TTC3: variants seen among roughly 807,000 people sequenced by gnomAD.
TTC3 encodes the protein tetratricopeptide repeat domain 3.
A neutral mutation model predicts 249.6 loss-of-function variants in TTC3; 180 were observed. The ratio of observed to expected loss-of-function variants is 0.72; its 90% CI spans 0.64 to 0.82. The LOEUF (loss-of-function observed/expected upper bound fraction) is 0.82, where lower values mean the gene tolerates loss of function less well. Among genes scored for constraint, TTC3 ranks in the 40% least tolerant of loss-of-function variants. TTC3 has a pLI of 0.00. For missense variants in TTC3, 2,061 were observed against 2,398.4 expected, an observed-to-expected ratio of 0.86 and a Z score of 2.94; for synonymous variants, 717 against 805.0, an observed-to-expected ratio of 0.89 and a Z score of 1.85.
chr21:37,170,701 A>G (rs1243223107), intron 34 of TTC3, among the ~76,000 whole-genome samples: 3 of 152,236 alleles, frequency 2.0e-5, no homozygotes, highest in East Asian at 3.8e-4. Context: ...GAAGAAGGTC[A>G]GAGCTTGTGT....
chr21:37,202,412 G>A (rs1258420444), exon 46 of TTC3: 2 of 152,266 alleles, frequency 1.3e-5, no homozygotes, highest in African/African-American at 2.4e-5. Flanking sequence ...GAGTCAGTCA[G>A]CGAGTGCTTG....
At chr21:37,114,948 C>T (rs1375304352) in intron 11 of TTC3, among the ~76,000 whole-genome samples, 3 of 151,984 alleles carry the variant, frequency 2.0e-5, no homozygotes, top group Middle Eastern at 3.4e-3. Context: ...AACCAAACAC[C>T]GCATGTTCTC....
intron 38 of TTC3, 134 bp from the exon 39 acceptor site, chr21:37,188,361 C>A: frequency 1.6e-6 from 1 of 613,776 alleles, no homozygotes; most frequent in Non-Finnish European, 2.8e-6. Flanking sequence ...ATGATACAAT[C>A]AAGTTCTGAT....
intron 41 of TTC3, among the ~76,000 whole-genome samples, chr21:37,195,230 C>T (rs887072690): frequency 3.3e-5 from 5 of 152,088 alleles, no homozygotes; most frequent in African/African-American, 9.7e-5. Flanking sequence ...GCACTGCAGG[C>T]GTGGACGGAG....
At chr21:37,073,436 G>A in intron 1 of TTC3, 1 of 986,754 alleles carries the variant, frequency 1.0e-6, no homozygotes. Flanking sequence ...GAGATGCCGG[G>A]GGAGCGGGGC....
intron 10 of TTC3, chr21:37,100,922 A>G (rs1324995000): frequency 1.3e-5 from 2 of 152,264 alleles, no homozygotes; most frequent in African/African-American, 4.8e-5. Flanking sequence ...GAATCTGGAC[A>G]AAGGAATCAG....
At chr21:37,124,837 C>A in intron 14 of TTC3, 95 bp downstream of exon 14, 71 of 1,237,114 alleles carry the variant, frequency 5.7e-5, no homozygotes, top group East Asian at 1.4e-4. Context: ...AAATTTTTGG[C>A]GATTTGAACC....
At chr21:37,104,519 G>A (rs531424850) in intron 10 of TTC3, among the ~76,000 whole-genome samples, 16 of 151,616 alleles carry the variant, frequency 1.1e-4, no homozygotes, top group Middle Eastern at 3.4e-3. Flanking sequence ...GAACGTGGGA[G>A]GCGGAGGTTG....
At chr21:37,154,118 G>A (rs2079757793) in intron 27 of TTC3, among the ~76,000 whole-genome samples, 1 of 152,184 alleles carries the variant, frequency 6.6e-6, no homozygotes, top group African/African-American at 2.4e-5. Context: ...CACCTACCAG[G>A]GCACTATTTA....
At chr21:37,152,798 G>A (rs2079606786) in intron 26 of TTC3, among the ~76,000 whole-genome samples, 153 bp from the exon 27 acceptor site, 1 of 152,112 alleles carries the variant, frequency 6.6e-6, no homozygotes, top group Non-Finnish European at 1.5e-5. Context: ...GTATTGTTAA[G>A]TGTTTATATT....
At chr21:37,149,774 A>C (rs2079286707) in intron 23 of TTC3, among the ~76,000 whole-genome samples, 1 of 152,194 alleles carries the variant, frequency 6.6e-6, no homozygotes, top group African/African-American at 2.4e-5. Context: ...GTCAGAGGAA[A>C]AAGAACAATG....
chr21:37,108,738 T>G (rs893639821), intron 11 of TTC3, among the ~76,000 whole-genome samples: 4 of 152,080 alleles, frequency 2.6e-5, no homozygotes, highest in African/African-American at 9.7e-5. Context: ...GAAAAATGAC[T>G]TAAAACTGGG....
At chr21:37,128,897 C>G in intron 15 of TTC3, 106 bp from the exon 16 acceptor site, 1 of 799,350 alleles carries the variant, frequency 1.3e-6, no homozygotes, top group Non-Finnish European at 1.9e-6. Flanking sequence ...TACCACATTT[C>G]TGCTTCTGTT....
chr21:37,094,098 T>A lies in TTC3; in HGVS notation c.687+8T>A. 1 of 1,510,252 alleles carries A rather than the reference T, an allele frequency of 6.6e-7. No homozygotes were observed. Among genetic ancestry groups the A allele is most frequent in the Non-Finnish European group, 9.0e-7 (1 of 1,111,596 alleles). 93.6% of individuals were successfully genotyped at this position (1,510,252 alleles called of 1,614,324 possible). On this transcript the variant is annotated splice_region_variant and intron_variant, in intron 8 of 45. Coordinates refer to ENST00000355666, the Ensembl canonical transcript of TTC3. ...TGTATGGATTGTATAGAGGTGAGAA[T>A]GAATATTATAAATATATTTTAAGAT...
intron 10 of TTC3, among the ~76,000 whole-genome samples, chr21:37,105,494 A>T (rs548777383): frequency 6.6e-6 from 1 of 152,326 alleles, no homozygotes; most frequent in South Asian, 2.1e-4. Context: ...CAGAAGAAGG[A>T]CAACTTTGTC....
chr21:37,092,944 A>G (rs757868846), intron 7 of TTC3, among the ~76,000 whole-genome samples: 1 of 152,168 alleles, frequency 6.6e-6, no homozygotes, highest in Non-Finnish European at 1.5e-5. Flanking sequence ...ATAACTTCTC[A>G]TTGTAACATT....
At chr21:37,198,117 C>T (rs1393768787) in intron 44 of TTC3, 92 bp downstream of exon 44, 9 of 1,401,776 alleles carry the variant, frequency 6.4e-6, no homozygotes, top group South Asian at 1.6e-5. Context: ...ATTTCTAGAC[C>T]TAATTTATTT....
intron 10 of TTC3, among the ~76,000 whole-genome samples, chr21:37,107,190 ATGAATG>A (rs1204845414): frequency 6.6e-6 from 1 of 151,992 alleles, no homozygotes; most frequent in Non-Finnish European, 1.5e-5. Flanking sequence ...TAGCATAAAT[ATGAATG>A]TGAAATGATG....
chr21:37,152,810 CTAAT>C (rs2079608427), intron 26 of TTC3, 137 bp from the exon 27 acceptor site: 1 of 673,096 alleles, frequency 1.5e-6, no homozygotes, highest in African/African-American at 1.9e-5. Context: ...GTTTATATTT[CTAAT>C]TAAAGTTTCT....
Sources: gnomAD v4.1 joint callset for allele counts (sites outside exome capture counted in the v4.1 genomes callset) on GRCh38, gnomAD v4.1.1 for gene constraint, MANE v1.5 for transcripts, NCBI Gene and HGNC (gene_info 2026-07-23, HGNC 2026-07-21) for gene names.